The following ADAMTSL1 variants were observed in gnomAD, a reference collection of about 807,000 sequenced individuals.
The protein encoded by ADAMTSL1 is ADAMTS-like protein 1.
A neutral mutation model predicts 201.8 loss-of-function variants in ADAMTSL1; 126 were observed. That is an observed-to-expected ratio of 0.62 (90% CI 0.54 to 0.72). ADAMTSL1 has a LOEUF of 0.72. Ranked by LOEUF, ADAMTSL1 falls within the 30% of genes least tolerant of loss-of-function variation. The pLI, the probability that ADAMTSL1 is intolerant of heterozygous loss-of-function variation, is 0.00. For synonymous variants in ADAMTSL1, 1,121 were observed against 903.4 expected (o/e 1.24, Z -4.32); for missense variants, 2,679 against 2,277.8 (o/e 1.18, Z -3.59).
Position 18,776,800 on chromosome 9 carries a change from G to T in ADAMTSL1, c.2571G>T (p.Thr857=). The change falls in exon 19 of 29, where the codon ACG becomes ACT. Residue 857 remains threonine, a synonymous_variant. Coordinates refer to ENST00000380548, the MANE Select transcript of ADAMTSL1 (RefSeq NM_001040272.6). ...ATCARPGRPS[T]KHSPHIAAAR... is the part of the protein sequence containing the mutation. Reference sequence around the variant, plus strand: ...TTCCAGGGCCCGGGCGGCCATCCACGAAGCACAGCCCGCACATCGCGGCCG... The same window carrying T: ...TTCCAGGGCCCGGGCGGCCATCCACTAAGCACAGCCCGCACATCGCGGCCG... 1 of 1,556,374 alleles carries T rather than the reference G, an allele frequency of 6.4e-7. No individual in the cohort carries two copies. The highest frequency in any genetic ancestry group is 1.2e-5 in the South Asian group (1 of 84,810).
intron 2 of ADAMTSL1, among the ~76,000 whole-genome samples, chr9:18,409,734 A>T (rs2805924): frequency 0.43 from 64,063 of 149,782 alleles, 14,493 homozygotes; most frequent in African/African-American, 0.56. Flanking sequence ...TATACATATA[A>T]GTATCATGTA....
At position 18,801,556 on chromosome 9, in the gene ADAMTSL1, G is replaced by A. The variant is rs772942685; in HGVS notation, c.3805+6032G>A. 1.6e-4 allele frequency among the ~76,000 whole-genome samples: 25 copies of A among 151,962 alleles called. 1 individual carries two copies. The highest frequency in any genetic ancestry group is 2.8e-4 in the Non-Finnish European group (19 of 67,956). On this transcript the variant is annotated intron_variant, in intron 20 of 28. Transcript: ENST00000380548. ...CTCTCCACCCTCAAGTAAGCCCCAG[G>A]GTCTGTTGTTCCCCCTTCTTCGTGT...
intron 2 of ADAMTSL1, among the ~76,000 whole-genome samples, chr9:18,166,168 C>G (rs1289683366): frequency 6.6e-6 from 1 of 151,918 alleles, no homozygotes; most frequent in South Asian, 2.1e-4. Flanking sequence ...ACACGTTTCA[C>G]CTCCCCTACC....
intron 14 of ADAMTSL1, among the ~76,000 whole-genome samples, chr9:18,709,977 T>C (rs1243750164): frequency 6.6e-6 from 1 of 152,198 alleles, no homozygotes; most frequent in East Asian, 1.9e-4. Context: ...ATGTTCTCTG[T>C]CGGTTTACAG....
intron 3 of ADAMTSL1, among the ~76,000 whole-genome samples, chr9:18,550,657 G>A (rs753203176): frequency 6.6e-6 from 1 of 151,826 alleles, no homozygotes; most frequent in Non-Finnish European, 1.5e-5. Flanking sequence ...CCAGGGAAAC[G>A]CTAAGAAAAG....
chr9:18,829,988 C>T lies in ADAMTSL1; in HGVS notation c.4249+11C>T, dbSNP rs777245278. The T allele has an allele frequency of 1.9e-6, 3 of 1,599,252 alleles. No individual in the cohort carries two copies. The highest frequency in any genetic ancestry group is 2.6e-6 in the Non-Finnish European group (3 of 1,172,866). On this transcript the variant is annotated intron_variant, in intron 23 of 28. Coordinates refer to ENST00000380548, the MANE Select transcript of ADAMTSL1 (RefSeq NM_001040272.6). ...ATTCTGCTCTCCTTGGTGAGTCTAACCCTCGGAAACATTGGGCAGAAAGCC... is the reference window on the plus strand; with the variant it reads ...ATTCTGCTCTCCTTGGTGAGTCTAATCCTCGGAAACATTGGGCAGAAAGCC...
chr9:18,335,347 A>G (rs1291711628), intron 2 of ADAMTSL1, among the ~76,000 whole-genome samples: 1 of 152,018 alleles, frequency 6.6e-6, no homozygotes, highest in African/African-American at 2.4e-5. Context: ...ACTTTTGTAG[A>G]GATGGGGTCT....
At chr9:18,570,338 A>T (rs1024772342) in intron 3 of ADAMTSL1, among the ~76,000 whole-genome samples, 19 of 152,212 alleles carry the variant, frequency 1.2e-4, no homozygotes, top group Non-Finnish European at 2.4e-4. Context: ...TCTCTATACA[A>T]ATTATTTTTA....
At chr9:17,974,526 C>T (rs965819432) in intron 1 of ADAMTSL1, among the ~76,000 whole-genome samples, 2 of 151,920 alleles carry the variant, frequency 1.3e-5, no homozygotes, top group African/African-American at 4.8e-5. Context: ...CCCAATGTTC[C>T]CACCCCTCAG....
intron 14 of ADAMTSL1, among the ~76,000 whole-genome samples, chr9:18,713,011 T>A (rs1832707864): frequency 1.3e-5 from 2 of 151,506 alleles, no homozygotes; most frequent in African/African-American, 4.9e-5. Context: ...GCTTCATAAA[T>A]GAAGAAGAAA....
intron 1 of ADAMTSL1, among the ~76,000 whole-genome samples, chr9:18,501,340 G>A (rs1048378737): frequency 8.6e-5 from 13 of 151,762 alleles, no homozygotes; most frequent in Non-Finnish European, 1.6e-4. Context: ...GCGAAACCTC[G>A]TCTCTATGAA....
chr9:17,975,490 C>A (rs188246205), intron 1 of ADAMTSL1, among the ~76,000 whole-genome samples: 1 of 151,992 alleles, frequency 6.6e-6, no homozygotes, highest in Non-Finnish European at 1.5e-5. Context: ...AGCACTAATA[C>A]CATTCGTGAG....
At chr9:18,128,804 G>A (rs1227647934) in intron 1 of ADAMTSL1, among the ~76,000 whole-genome samples, 1 of 152,008 alleles carries the variant, frequency 6.6e-6, no homozygotes, top group East Asian at 1.9e-4. Flanking sequence ...AGGTATTTAG[G>A]CTAAAGCACC....
intron 1 of ADAMTSL1, among the ~76,000 whole-genome samples, chr9:18,149,725 C>A (rs1265343870): frequency 6.6e-6 from 1 of 152,016 alleles, no homozygotes; most frequent in Non-Finnish European, 1.5e-5. Flanking sequence ...AAAGCTCACT[C>A]AAGCAACAAT....
intron 2 of ADAMTSL1, among the ~76,000 whole-genome samples, chr9:18,350,612 C>T (rs1233673384): frequency 6.6e-6 from 1 of 152,090 alleles, no homozygotes; most frequent in Non-Finnish European, 1.5e-5. Context: ...ACACAAAGAT[C>T]TGTAGGAATA....
chr9:18,035,673 C>A (rs534216811), intron 1 of ADAMTSL1, among the ~76,000 whole-genome samples: 26 of 152,216 alleles, frequency 1.7e-4, no homozygotes, highest in African/African-American at 6.3e-4. Flanking sequence ...CATAGTGCTC[C>A]CCACCTCCTG....
intron 1 of ADAMTSL1, among the ~76,000 whole-genome samples, chr9:17,967,526 C>T (rs916748178): frequency 6.6e-6 from 1 of 152,116 alleles, no homozygotes; most frequent in African/African-American, 2.4e-5. Context: ...ACTCTCAAAG[C>T]AGTTGTGTAA....
intron 2 of ADAMTSL1, among the ~76,000 whole-genome samples, chr9:18,347,348 G>T (rs1835772246): frequency 6.6e-6 from 1 of 151,946 alleles, no homozygotes; most frequent in Non-Finnish European, 1.5e-5. Context: ...TGAAAACTGG[G>T]ATGAGAATTC....
At chr9:18,732,631 G>A (rs1002187438) in intron 15 of ADAMTSL1, among the ~76,000 whole-genome samples, 3 of 152,258 alleles carry the variant, frequency 2.0e-5, no homozygotes, top group South Asian at 2.1e-4. Flanking sequence ...AGGAAGCGTC[G>A]ATGAATTGTG....
Sources: allele counts gnomAD v4.1 joint callset (sites outside exome capture counted in the v4.1 genomes callset), GRCh38; gene constraint gnomAD v4.1.1; transcripts MANE v1.5; gene names NCBI Gene and HGNC (gene_info 2026-07-23, HGNC 2026-07-21).